Variants in EPHA6 observed in about 807,000 individuals in gnomAD.
The protein encoded by EPHA6 is ephrin type-A receptor 6.
Under a neutral mutation model 112.0 loss-of-function variants are expected in EPHA6, and 50 were observed. The ratio of observed to expected loss-of-function variants is 0.45; its 90% CI spans 0.36 to 0.56. The LOEUF is 0.56. Among genes scored for constraint, EPHA6 ranks in the 20% least tolerant of loss-of-function variants. EPHA6 has a pLI of 0.00. For missense variants in EPHA6, 1,280 were observed against 1,417.4 expected (o/e 0.90, Z 1.56); for synonymous variants, 529 against 490.7 (o/e 1.08, Z -1.03).
intron 3 of EPHA6, among the ~76,000 whole-genome samples, chr3:97,121,645 A>G (rs2048044337): frequency 6.6e-6 from 1 of 152,076 alleles, no homozygotes; most frequent in African/African-American, 2.4e-5. Context: ...CTCATGGAGC[A>G]CTGTAGGGCT....
intron 5 of EPHA6, among the ~76,000 whole-genome samples, chr3:97,365,624 G>A (rs995822501): frequency 1.3e-5 from 2 of 152,018 alleles, no homozygotes; most frequent in East Asian, 3.9e-4. Flanking sequence ...TCCTGACCTC[G>A]TGATCCACCT....
At chr3:96,940,287 G>A (rs1457849563) in intron 2 of EPHA6, among the ~76,000 whole-genome samples, 1 of 152,168 alleles carries the variant, frequency 6.6e-6, no homozygotes, top group Non-Finnish European at 1.5e-5. Context: ...GGGTGCTCCT[G>A]TATTGGGTGC....
intron 7 of EPHA6, among the ~76,000 whole-genome samples, chr3:97,472,006 C>T (rs1267325686): frequency 1.3e-5 from 2 of 151,698 alleles, no homozygotes; most frequent in Non-Finnish European, 3.0e-5. Context: ...CTGCCTTTGT[C>T]TTTACATGTG....
intron 11 of EPHA6, among the ~76,000 whole-genome samples, chr3:97,566,037 G>A (rs896708811): frequency 3.4e-5 from 5 of 146,338 alleles, no homozygotes; most frequent in African/African-American, 5.0e-5. Flanking sequence ...AAAAAAAAAG[G>A]AAAGAGATTT....
At chr3:96,815,931 T>A (rs976415335) in intron 1 of EPHA6, among the ~76,000 whole-genome samples, 3 of 152,200 alleles carry the variant, frequency 2.0e-5, no homozygotes, top group Non-Finnish European at 1.5e-5. Context: ...AGATATTCTC[T>A]CACTCGTGCT....
chr3:97,408,024 G>C (rs1047567827), intron 6 of EPHA6, among the ~76,000 whole-genome samples: 1 of 152,090 alleles, frequency 6.6e-6, no homozygotes, highest in Non-Finnish European at 1.5e-5. Context: ...TTGGTGTCTG[G>C]TGAGGGCCCC....
chr3:97,487,342 A>G (rs2091721965), intron 10 of EPHA6, among the ~76,000 whole-genome samples: 1 of 152,248 alleles, frequency 6.6e-6, no homozygotes, highest in Non-Finnish European at 1.5e-5. Context: ...ATAAATGTAA[A>G]ACAGCCACAT....
At position 97,592,733 on chromosome 3, in the gene EPHA6, T is replaced by A. The variant is rs1256718551; in HGVS notation, c.2508T>A (p.Pro836=). Residue 836 remains proline, a synonymous_variant, in exon 12 of 18, where the codon CCT becomes CCA. Coordinates refer to ENST00000389672, the MANE Select transcript of EPHA6 (RefSeq NM_001080448.3). ...PGGGSLPPRI[P]AGRPVMIVVE... ...GAGGATCTTTGCCCCCCAGGATTCC[T>A]GCTGGTAGGTATTTCAGGTGAAGTT... The A allele has an allele frequency of 1.9e-6, 3 of 1,587,958 alleles. No individual in the cohort carries two copies. Among genetic ancestry groups the A allele is most frequent in the African/African-American group, 2.7e-5 (2 of 73,290 alleles).
intron 5 of EPHA6, among the ~76,000 whole-genome samples, chr3:97,344,065 C>T (rs983374214): frequency 3.7e-4 from 56 of 152,126 alleles, no homozygotes; most frequent in Admixed American, 3.2e-3. Context: ...AAGCACATAA[C>T]TTGTTTTGTT....
intron 10 of EPHA6, among the ~76,000 whole-genome samples, chr3:97,489,821 C>A (rs1240483780): frequency 6.6e-6 from 1 of 151,782 alleles, no homozygotes; most frequent in South Asian, 2.1e-4. Context: ...ATTTAAATAA[C>A]GTAAAACTAT....
Position 97,735,822 on chromosome 3 carries a change from T to C in EPHA6, c.2935-103T>C, listed in dbSNP as rs1038342367. The C allele has an allele frequency of 1.2e-5, 10 of 832,158 alleles. No individual in the cohort carries two copies. In the East Asian group the frequency reaches 2.7e-4, roughly 22 times the overall value. 51.5% of individuals were successfully genotyped at this position (832,158 alleles called of 1,614,324 possible). The stretch of plus-strand genomic sequence containing the variant: ...TCCTTGTACTCACAAGTAGTTTTCA[T>C]GCTTACCATTATTTTGGCTTCTTCT... On this transcript the variant is annotated intron_variant, in intron 15 of 17. Transcript: ENST00000389672.
chr3:97,251,852 A>G (rs2079151863), intron 5 of EPHA6, among the ~76,000 whole-genome samples: 1 of 152,228 alleles, frequency 6.6e-6, no homozygotes, highest in South Asian at 2.1e-4. Flanking sequence ...AAAAGGTACT[A>G]AAATACAGTG....
chr3:96,973,885 T>C (rs1044843923), intron 2 of EPHA6, among the ~76,000 whole-genome samples: 2 of 146,156 alleles, frequency 1.4e-5, no homozygotes, highest in African/African-American at 4.9e-5. Context: ...TGATAGATTC[T>C]GTATATTATA....
Position 97,758,541 on chromosome 3 carries a change from G to C in EPHA6, c.*9840G>C, listed in dbSNP as rs181499082. Among the ~76,000 whole-genome samples, 1 of 151,956 alleles carries C rather than the reference G, an allele frequency of 6.6e-6. No homozygotes were observed. The highest frequency in any genetic ancestry group is 1.9e-4 in the East Asian group (1 of 5,178). On this transcript the variant is annotated 3_prime_UTR_variant, in exon 18 of 18. Coordinates refer to ENST00000389672, the MANE Select transcript of EPHA6 (RefSeq NM_001080448.3). ...GTACCATTGTCCTGTTCGAAGCACTGAGGATACATGGTGACCAAGACAAGC... is the reference window on the plus strand; with the variant it reads ...GTACCATTGTCCTGTTCGAAGCACTCAGGATACATGGTGACCAAGACAAGC...
intron 5 of EPHA6, among the ~76,000 whole-genome samples, chr3:97,255,083 A>G (rs2079264047): frequency 6.6e-6 from 1 of 151,922 alleles, no homozygotes; most frequent in Non-Finnish European, 1.5e-5. Flanking sequence ...ACAAATCTTT[A>G]AGGGGTCACA....
intron 3 of EPHA6, among the ~76,000 whole-genome samples, chr3:97,185,828 G>C (rs2077113755): frequency 6.6e-6 from 1 of 152,036 alleles, no homozygotes; most frequent in Non-Finnish European, 1.5e-5. Context: ...GTCCAACAAT[G>C]ATAGACTGGA....
Position 97,458,067 on chromosome 3 carries a change from CAAAAAA to C in EPHA6, c.1894+9358_1894+9363del, listed in dbSNP as rs68128372. Among the ~76,000 whole-genome samples the C allele has an allele frequency of 4.9e-4, 25 of 50,588 alleles. No individual in the cohort carries two copies. In the East Asian group the frequency reaches 0.011, roughly 22 times the overall value. 33.2% of individuals were successfully genotyped at this position (50,588 alleles called of 152,430 possible). On this transcript the variant is annotated intron_variant, in intron 7 of 17. Transcript: ENST00000389672. Reference sequence around the variant, plus strand: ...TGGGCGACAGTGCGAGACTCCGTCTCAAAAAAAAAAAAAAAAAAAAAAAAAAGCAGC... The same window carrying C: ...TGGGCGACAGTGCGAGACTCCGTCTCAAAAAAAAAAAAAAAAAAAAGCAGC...
chr3:97,558,064 C>A (rs971717447), intron 11 of EPHA6, among the ~76,000 whole-genome samples: 16 of 151,920 alleles, frequency 1.1e-4, no homozygotes, highest in African/African-American at 3.9e-4. Context: ...TAAAGTAGAT[C>A]CGGCAATCAA....
At chr3:97,503,119 G>A (rs1473060246) in intron 10 of EPHA6, among the ~76,000 whole-genome samples, 1 of 151,816 alleles carries the variant, frequency 6.6e-6, no homozygotes, top group African/African-American at 2.4e-5. Context: ...TACAATAAAT[G>A]TAAAAATTAG....
Sources: gnomAD v4.1 joint callset for allele counts (sites outside exome capture counted in the v4.1 genomes callset) on GRCh38, gnomAD v4.1.1 for gene constraint, MANE v1.5 for transcripts, NCBI Gene and HGNC (gene_info 2026-07-23, HGNC 2026-07-21) for gene names.